The following UGT1A4 variants were observed in gnomAD, a reference collection of about 807,000 sequenced individuals.
UGT1A4 encodes the protein UDP glucuronosyltransferase family 1 member A4.
UGT1A4 carries 32 observed loss-of-function variants against 41.1 expected under a neutral mutation model. The observed-to-expected ratio is 0.78, with a 90% confidence interval of 0.59 to 1.05. UGT1A4 has a LOEUF of 1.05. UGT1A4 is among the 50% of genes least tolerant of loss of function. The probability of loss-of-function intolerance (pLI) is 0.00; values close to 1 mark genes in which losing one functional copy is unlikely to be tolerated. For missense variants in UGT1A4, 748 were observed against 677.4 expected, an observed-to-expected ratio of 1.10 and a Z score of -1.16; for synonymous variants, 283 against 265.1, an observed-to-expected ratio of 1.07 and a Z score of -0.66.
At chr2:233,729,554 C>T in intron 1 of UGT1A4, 1 of 1,614,178 alleles carries the variant, frequency 6.2e-7, no homozygotes, top group Non-Finnish European at 8.5e-7. Flanking sequence ...CACCTGAATG[C>T]TACTTCCTTT....
At position 233,719,222 on chromosome 2, in the gene UGT1A4, T is replaced by A; in HGVS notation, c.402T>A (p.Asn134Lys). The change falls in exon 1 of 5, where the codon AAT becomes AAA. Residue 134 changes from asparagine to lysine, a missense_variant. Transcript: ENST00000373409. The part of the protein sequence containing the change: ...LHRCCVELLH[N>K]EALIRHLNAT... ...GGTGTTGTGTGGAGCTACTGCATAA[T>A]GAGGCCCTGATCAGGCACCTGAATG... is the stretch of plus-strand genomic sequence containing the variant. 1.2e-6 allele frequency: 2 copies of A among 1,614,238 alleles called. No individual in the cohort carries two copies. Among genetic ancestry groups the A allele is most frequent in the Admixed American group, 1.7e-5 (1 of 60,030 alleles).
rs1392909464 is a variant in UGT1A4 at position 233,754,916 on chromosome 2, C to T, written c.868-12118C>T. 5.9e-6 allele frequency: 8 copies of T among 1,353,400 alleles called. No homozygotes were observed. The Admixed American group carries it at 9.5e-5, about 16-fold the overall frequency. The allele number at this position is 1,353,400 out of a possible 1,614,324, so 83.8% of individuals were successfully genotyped here. On this transcript the variant is annotated intron_variant, in intron 1 of 4. Coordinates refer to ENST00000373409, the MANE Select transcript of UGT1A4 (RefSeq NM_007120.3). ...TCTGACCCCCCAAAATATTCTCCAG[C>T]GGGTTTCCCAAGAGGTCAAAGGAGA...
intron 1 of UGT1A4, among the ~76,000 whole-genome samples, chr2:233,734,109 T>C (rs1028372875): frequency 6.6e-6 from 1 of 152,072 alleles, no homozygotes; most frequent in African/African-American, 2.4e-5. Flanking sequence ...AGTATAATAA[T>C]AATAATAATA....
intron 1 of UGT1A4, among the ~76,000 whole-genome samples, chr2:233,741,312 A>G (rs536876139): frequency 2.0e-5 from 3 of 151,548 alleles, no homozygotes; most frequent in African/African-American, 4.9e-5. Context: ...ATACACACCA[A>G]CTCATTCTAC....
intron 1 of UGT1A4, among the ~76,000 whole-genome samples, chr2:233,730,659 C>T (rs572509077): frequency 5.9e-5 from 9 of 152,094 alleles, no homozygotes; most frequent in South Asian, 4.2e-4. Context: ...TCTCAGAGTT[C>T]GGAAGGCAAA....
intron 1 of UGT1A4, among the ~76,000 whole-genome samples, chr2:233,740,081 G>A (rs375117222): frequency 1.3e-5 from 2 of 151,740 alleles, no homozygotes; most frequent in African/African-American, 2.4e-5. Flanking sequence ...TCTGTCTCTC[G>A]CCTGCTGCCA....
chr2:233,747,715 C>A, intron 1 of UGT1A4: 2 of 1,613,182 alleles, frequency 1.2e-6, no homozygotes, highest in South Asian at 2.2e-5. Flanking sequence ...CTATCAATTC[C>A]TGCTGTGTTT....
intron 1 of UGT1A4, chr2:233,729,215 A>G (rs766332130): frequency 6.2e-7 from 1 of 1,614,066 alleles, no homozygotes; most frequent in Non-Finnish European, 8.5e-7. Flanking sequence ...GAGAGTGGAA[A>G]GGTGTTGGTG....
chr2:233,760,943 A>G (rs1487587152), intron 1 of UGT1A4: 1 of 1,614,220 alleles, frequency 6.2e-7, no homozygotes, highest in South Asian at 1.1e-5. Context: ...GCCTTTTCAC[A>G]GAACTTTCTG....
At chr2:233,747,695 G>C in intron 1 of UGT1A4, 1 of 1,611,470 alleles carries the variant, frequency 6.2e-7, no homozygotes, top group Non-Finnish European at 8.5e-7. Flanking sequence ...GGGCAGTGCT[G>C]GCTAAGTACC....
At chr2:233,728,575 A>G (rs1420675714) in intron 1 of UGT1A4, among the ~76,000 whole-genome samples, 5 of 152,224 alleles carry the variant, frequency 3.3e-5, no homozygotes, top group Non-Finnish European at 7.3e-5. Context: ...TCCTGGTGCG[A>G]AAAACGACCA....
At chr2:233,770,192 A>G (rs1288564889) in intron 4 of UGT1A4, 1 of 152,232 alleles carries the variant, frequency 6.6e-6, no homozygotes, top group African/African-American at 2.4e-5. Context: ...ACTAACTTTC[A>G]TCTATTCATT....
intron 1 of UGT1A4, among the ~76,000 whole-genome samples, chr2:233,737,688 T>C (rs2078910745): frequency 6.6e-6 from 1 of 152,202 alleles, no homozygotes; most frequent in Non-Finnish European, 1.5e-5. Context: ...TGGCCATTGG[T>C]GCTGAAGCTT....
intron 1 of UGT1A4, among the ~76,000 whole-genome samples, chr2:233,740,349 G>A (rs1165997956): frequency 2.0e-5 from 3 of 151,880 alleles, no homozygotes; most frequent in South Asian, 2.1e-4. Flanking sequence ...ATGAGAAAGT[G>A]GAATTAGAAA....
At chr2:233,770,636 C>A (rs184236335) in intron 4 of UGT1A4, 1 of 149,556 alleles carries the variant, frequency 6.7e-6, no homozygotes, top group Non-Finnish European at 1.5e-5. Context: ...CCAGCCTGGG[C>A]GACAGAGTGA....
At chr2:233,748,086 G>A (rs1376410311) in intron 1 of UGT1A4, 37 of 1,612,904 alleles carry the variant, frequency 2.3e-5, no homozygotes, top group Non-Finnish European at 2.9e-5. Context: ...TCAGGTCGGT[G>A]TTCGTGCCTT....
intron 1 of UGT1A4, among the ~76,000 whole-genome samples, chr2:233,730,798 G>C (rs772379862): frequency 4.6e-5 from 7 of 152,122 alleles, no homozygotes; most frequent in Non-Finnish European, 7.3e-5. Flanking sequence ...AGTGATGAAT[G>C]GACATGCGTC....
chr2:233,726,218 A>C (rs1180032899), intron 1 of UGT1A4, among the ~76,000 whole-genome samples: 1 of 152,174 alleles, frequency 6.6e-6, no homozygotes, highest in Non-Finnish European at 1.5e-5. Context: ...AAAGTTTAGA[A>C]AACATTTTTT....
chr2:233,768,027 G>A (rs762903764), intron 3 of UGT1A4, 91 bp downstream of exon 3: 89 of 1,612,900 alleles, frequency 5.5e-5, no homozygotes, highest in Non-Finnish European at 7.1e-5. Context: ...TGTTGAGCTT[G>A]AAAATATTAT....
Sources: gnomAD v4.1 joint callset for allele counts (sites outside exome capture counted in the v4.1 genomes callset) on GRCh38, gnomAD v4.1.1 for gene constraint, MANE v1.5 for transcripts, NCBI Gene and HGNC (gene_info 2026-07-23, HGNC 2026-07-21) for gene names.